Variants in PRSS55 observed in about 807,000 individuals in gnomAD.
PRSS55 encodes the protein probable serine protease UNQ9391/PRO34284.
A neutral mutation model predicts 23.6 loss-of-function variants in PRSS55; 41 were observed. The ratio of observed to expected loss-of-function variants is 1.74; its 90% CI spans 1.35 to 2.26. The LOEUF (loss-of-function observed/expected upper bound fraction) is 2.26, where lower values mean the gene tolerates loss of function less well. Ranked by LOEUF, PRSS55 falls within the 30% of genes most tolerant of loss-of-function variation. The probability of loss-of-function intolerance (pLI) is 0.00; values close to 1 mark genes in which losing one functional copy is unlikely to be tolerated. For synonymous variants in PRSS55, 262 were observed against 175.5 expected (o/e 1.49, Z -3.90); for missense variants, 669 against 439.1 (o/e 1.52, Z -4.68).
chr8:10,548,333 G>GT (rs1812869645), intron 4 of PRSS55, among the ~76,000 whole-genome samples: 1 of 152,104 alleles, frequency 6.6e-6, no homozygotes, highest in South Asian at 2.1e-4. Flanking sequence ...AGCCAGGCAG[G>GT]TGACAGACAC....
rs1335460586 is a variant in PRSS55, at chr8:10,531,441, C to G, written c.494C>G (p.Pro165Arg). 6.2e-7 allele frequency: 1 copy of G among 1,614,214 alleles called. No homozygotes were observed. Among genetic ancestry groups the G allele is most frequent in the South Asian group, 1.1e-5 (1 of 91,090 alleles). ...NDIALLLLAS[P>R]IKLDDLKVPI... is the part of the protein sequence containing the mutation. ...ATTGCCTTGCTGCTGCTGGCTTCGCCCATCAAGCTCGATGACCTGAAGGTG... is the reference window on the plus strand; with the variant it reads ...ATTGCCTTGCTGCTGCTGGCTTCGCGCATCAAGCTCGATGACCTGAAGGTG... The change falls in exon 3 of 5, where the codon CCC (proline) becomes CGC (arginine). Residue 165 changes from proline (P) to arginine (R), a missense_variant. Physicochemically the swap from Pro to Arg is moderately radical, Grantham distance 103. Transcript: ENST00000328655.
chr8:10,530,305 T>C (rs909350946), intron 2 of PRSS55, among the ~76,000 whole-genome samples: 3 of 152,022 alleles, frequency 2.0e-5, no homozygotes, highest in African/African-American at 7.3e-5. Flanking sequence ...TGAAACCCCA[T>C]CTATACTAAA....
At chr8:10,542,250 C>T (rs557607081), downstream of PRSS55, among the ~76,000 whole-genome samples, 8 of 151,974 alleles carry the variant, frequency 5.3e-5, no homozygotes, top group East Asian at 9.7e-4. Context: ...TGCCCCAGTG[C>T]GGATGTGTGG....
intron 4 of PRSS55, chr8:10,553,879 C>A: frequency 9.2e-7 from 1 of 1,082,402 alleles, no homozygotes; most frequent in Non-Finnish European, 1.3e-6. Context: ...TAAATCAAAG[C>A]ACCACATTGT....
chr8:10,538,965 T>G, downstream of PRSS55: 1 of 565,562 alleles, frequency 1.8e-6, no homozygotes, highest in Non-Finnish European at 2.9e-6. Flanking sequence ...GGTCTGTGGA[T>G]TAGTCAGGAC....
chr8:10,533,027 T>A lies in PRSS55; in HGVS notation c.720T>A (p.Asn240Lys). ...ATATGCTGTGTGCCGGATACAAGAA[T>A]GAGAGCTATGATGCCTGCAAGGTAA... ...TKNMLCAGYK[N>K]ESYDACKGDS... The change falls in exon 4 of 5, where the codon AAT (asparagine) becomes AAA (lysine). Residue 240 changes from asparagine (N) to lysine (K), a missense_variant. Physicochemically the swap from Asn to Lys is moderately conservative, Grantham distance 94. Transcript: ENST00000328655. 3 of 1,614,200 alleles carry A rather than the reference T, an allele frequency of 1.9e-6. No homozygotes were observed. Among genetic ancestry groups the A allele is most frequent in the Non-Finnish European group, 8.5e-7 (1 of 1,180,022 alleles).
downstream of PRSS55, among the ~76,000 whole-genome samples, chr8:10,543,467 T>C (rs867247855): frequency 1.4e-3 from 27 of 19,208 alleles, 1 homozygote; most frequent in Admixed American, 3.9e-3. Flanking sequence ...TTCCTTCCTT[T>C]CTTTCTTTCT....
rs767454552 is a variant in PRSS55, at chr8:10,538,591, C to G, written c.857C>G (p.Thr286Ser). The G allele has an allele frequency of 1.2e-6, 2 of 1,614,124 alleles. No homozygotes were observed. Among genetic ancestry groups the G allele is most frequent in the Admixed American group, 1.7e-5 (1 of 60,032 alleles). ...GAGAAGAACACCCCAGGGATATACA[C>G]CTCGTTGGTGAACTACAACCTCTGG... The part of the protein sequence containing the change: ...CGEKNTPGIY[T>S]SLVNYNLWIE... Residue 286 changes from threonine (T) to serine (S), a missense_variant, in exon 5 of 5, where the codon ACC becomes AGC. By Grantham distance (58) the Thr-to-Ser change is moderately conservative (BLOSUM62 1). Coordinates refer to ENST00000328655, the MANE Select transcript of PRSS55 (RefSeq NM_198464.4).
At chr8:10,532,042 C>A (rs920166423) in intron 3 of PRSS55, among the ~76,000 whole-genome samples, 4 of 152,058 alleles carry the variant, frequency 2.6e-5, no homozygotes, top group Non-Finnish European at 5.9e-5. Context: ...TGACGAAGGG[C>A]CCGCTGGACT....
chr8:10,544,068 T>A (rs13260547), intron 4 of PRSS55, among the ~76,000 whole-genome samples: 139,659 of 152,208 alleles, frequency 0.92, 65,292 homozygotes, highest in East Asian at 1. Context: ...AAAATCCTCT[T>A]TATCCTTGTT....
At chr8:10,553,544 G>A (rs1456894527) in intron 4 of PRSS55, among the ~76,000 whole-genome samples, 1 of 152,130 alleles carries the variant, frequency 6.6e-6, no homozygotes, top group Non-Finnish European at 1.5e-5. Flanking sequence ...ATTAAACCAG[G>A]CCCAGAAACA....
chr8:10,554,052 C>T, exon 5 of PRSS55: 1 of 1,492,022 alleles, frequency 6.7e-7, no homozygotes. Flanking sequence ...CTTTCTTCTA[C>T]ATGGAGCCAT....
downstream of PRSS55, among the ~76,000 whole-genome samples, chr8:10,541,967 G>C (rs1585888205): frequency 6.6e-6 from 1 of 152,044 alleles, no homozygotes; most frequent in South Asian, 2.1e-4. Context: ...GTAGAGATGG[G>C]AGTTTCACTA....
chr8:10,548,706 G>A (rs1248214256), intron 4 of PRSS55, among the ~76,000 whole-genome samples: 2 of 152,226 alleles, frequency 1.3e-5, no homozygotes, highest in Non-Finnish European at 1.5e-5. Flanking sequence ...GGACCCGGCA[G>A]CATGAGGCAC....
At chr8:10,525,850 C>A (rs1812003449) in intron 1 of PRSS55, 111 bp downstream of exon 1, 4 of 1,131,548 alleles carry the variant, frequency 3.5e-6, no homozygotes, top group South Asian at 1.7e-5. Flanking sequence ...TCCCCACATA[C>A]CCCTTCTCCA....
chr8:10,543,275 A>G (rs1443315897), downstream of PRSS55, among the ~76,000 whole-genome samples: 1 of 152,066 alleles, frequency 6.6e-6, no homozygotes, highest in African/African-American at 2.4e-5. Flanking sequence ...GTAAGCCCGG[A>G]GCTTCTGGGG....
At chr8:10,530,991 T>C (rs1023326260) in intron 2 of PRSS55, among the ~76,000 whole-genome samples, 2 of 152,194 alleles carry the variant, frequency 1.3e-5, no homozygotes, top group South Asian at 2.1e-4. Context: ...GTGGGCTGTG[T>C]AGAGTGCTCT....
At chr8:10,539,822 C>T (rs1056198983), downstream of PRSS55, among the ~76,000 whole-genome samples, 1 of 152,222 alleles carries the variant, frequency 6.6e-6, no homozygotes, top group Non-Finnish European at 1.5e-5. Context: ...TATAAATTAC[C>T]CAGTCTCAGG....
intron 4 of PRSS55, among the ~76,000 whole-genome samples, chr8:10,546,224 G>A (rs1191408447): frequency 6.6e-6 from 1 of 152,182 alleles, no homozygotes; most frequent in Non-Finnish European, 1.5e-5. Flanking sequence ...GAGAATCATT[G>A]CATGGACAGA....
Sources: allele counts gnomAD v4.1 joint callset (sites outside exome capture counted in the v4.1 genomes callset), GRCh38; gene constraint gnomAD v4.1.1; transcripts MANE v1.5; gene names NCBI Gene and HGNC (gene_info 2026-07-23, HGNC 2026-07-21).